CHST8: variants seen among roughly 807,000 people sequenced by gnomAD.
The protein encoded by CHST8 is carbohydrate sulfotransferase 8, also known as GALNAC-4-ST1.
Under a neutral mutation model 15.0 loss-of-function variants are expected in CHST8, and 10 were observed. That is an observed-to-expected ratio of 0.67 (90% CI 0.41 to 1.13). CHST8 has a LOEUF of 1.13. Ranked by LOEUF, CHST8 falls within the 50% of genes most tolerant of loss-of-function variation. The pLI is 0.00. For missense variants in CHST8, 634 were observed against 608.2 expected (o/e 1.04, Z -0.45); for synonymous variants, 259 against 256.6 (o/e 1.01, Z -0.09).
chr19:33,756,896 G>T (rs976875166), intron 3 of CHST8, among the ~76,000 whole-genome samples: 2 of 152,188 alleles, frequency 1.3e-5, no homozygotes, highest in Non-Finnish European at 2.9e-5. Flanking sequence ...GGCTGTACAG[G>T]TATGAGATGC....
chr19:33,718,489 C>T (rs1973708818), intron 3 of CHST8, among the ~76,000 whole-genome samples: 1 of 152,348 alleles, frequency 6.6e-6, no homozygotes, highest in Admixed American at 6.5e-5. Flanking sequence ...GTCTTCCCCG[C>T]ACTCCTCTGC....
intron 3 of CHST8, among the ~76,000 whole-genome samples, chr19:33,740,336 G>A (rs771963952): frequency 3.3e-5 from 5 of 152,196 alleles, no homozygotes; most frequent in Non-Finnish European, 5.9e-5. Flanking sequence ...GCAGAACCGT[G>A]TCATGGAAAC....
chr19:33,711,354 A>G (rs1973545431), intron 3 of CHST8, among the ~76,000 whole-genome samples: 1 of 152,204 alleles, frequency 6.6e-6, no homozygotes, highest in Non-Finnish European at 1.5e-5. Context: ...TGGAAGTGCA[A>G]CTGCTCTGTA....
intron 3 of CHST8, among the ~76,000 whole-genome samples, chr19:33,691,322 G>A (rs1419610589): frequency 6.6e-6 from 1 of 152,178 alleles, no homozygotes; most frequent in African/African-American, 2.4e-5. Context: ...AGGAGCACAC[G>A]TGGGTCTTCT....
intron 3 of CHST8, among the ~76,000 whole-genome samples, chr19:33,723,490 C>A (rs548468422): frequency 6.6e-6 from 1 of 152,326 alleles, no homozygotes; most frequent in Admixed American, 6.5e-5. Context: ...GGATTCCCAG[C>A]AGGCTGTCCT....
intron 3 of CHST8, among the ~76,000 whole-genome samples, chr19:33,763,205 C>T (rs1316547879): frequency 6.6e-6 from 1 of 152,190 alleles, no homozygotes; most frequent in Admixed American, 6.5e-5. Context: ...AACTACAACT[C>T]CACATGGACC....
In CHST8 at chr19:33,710,097, T is replaced by C. The variant is rs551371055; in HGVS notation, c.130+20706T>C. Among the ~76,000 whole-genome samples the C allele has an allele frequency of 3.9e-5, 6 of 152,374 alleles. No homozygotes were observed. The South Asian group carries it at 1.2e-3, about 32-fold the overall frequency. ...TTCTAGGGCTTTGTTCATGTCTTTCTAGGGCTTTGTTCATTTCATTCAAGT... is the reference window on the plus strand; with the variant it reads ...TTCTAGGGCTTTGTTCATGTCTTTCCAGGGCTTTGTTCATTTCATTCAAGT... On this transcript the variant is annotated intron_variant, in intron 3 of 4. Coordinates refer to ENST00000650847, the MANE Select transcript of CHST8 (RefSeq NM_001127895.2).
intron 3 of CHST8, among the ~76,000 whole-genome samples, chr19:33,726,683 C>CT (rs1206715563): frequency 6.6e-6 from 1 of 152,122 alleles, no homozygotes; most frequent in Non-Finnish European, 1.5e-5. Flanking sequence ...AATGTCCCAC[C>CT]TCTCGACAGC....
intron 3 of CHST8, among the ~76,000 whole-genome samples, chr19:33,732,580 A>C (rs2145327812): frequency 6.6e-6 from 1 of 152,130 alleles, no homozygotes; most frequent in Non-Finnish European, 1.5e-5. Context: ...ACTATACTTA[A>C]AATTGCATTT....
chr19:33,625,590 G>T (rs1006879536), intron 1 of CHST8, among the ~76,000 whole-genome samples: 16 of 152,126 alleles, frequency 1.1e-4, no homozygotes, highest in African/African-American at 3.4e-4. Flanking sequence ...GGCCAGGCAC[G>T]GTGGCTCACG....
intron 3 of CHST8, 83 bp from the exon 4 acceptor site, chr19:33,771,330 C>A: frequency 7.2e-7 from 1 of 1,389,046 alleles, no homozygotes; most frequent in Non-Finnish European, 1.0e-6. Context: ...CCTGGATGTC[C>A]ACAGCCAGCA....
chr19:33,746,721 G>A (rs1050796328), intron 3 of CHST8, among the ~76,000 whole-genome samples: 3 of 152,228 alleles, frequency 2.0e-5, no homozygotes, highest in African/African-American at 7.2e-5. Flanking sequence ...TTAGTGGGAG[G>A]TGAGTTCTGC....
At chr19:33,714,667 G>A (rs1158604158) in intron 3 of CHST8, among the ~76,000 whole-genome samples, 2 of 152,220 alleles carry the variant, frequency 1.3e-5, no homozygotes. Context: ...TGTCCTGGGA[G>A]GGACCCAGTG....
intron 3 of CHST8, among the ~76,000 whole-genome samples, chr19:33,711,158 C>T (rs1185225504): frequency 1.3e-5 from 2 of 152,142 alleles, no homozygotes; most frequent in Non-Finnish European, 2.9e-5. Context: ...CAGTGTGAGC[C>T]ACCATGCCTG....
At chr19:33,634,586 T>G (rs1257529637) in intron 1 of CHST8, among the ~76,000 whole-genome samples, 1 of 146,168 alleles carries the variant, frequency 6.8e-6, no homozygotes, top group Non-Finnish European at 1.5e-5. Flanking sequence ...GAGATGCAGG[T>G]GCTGAGCCCT....
intron 1 of CHST8, among the ~76,000 whole-genome samples, chr19:33,635,919 C>G (rs1369400371): frequency 6.6e-6 from 1 of 151,804 alleles, no homozygotes; most frequent in Non-Finnish European, 1.5e-5. Context: ...TAAAATAGGG[C>G]AAAAATGAAT....
At chr19:33,670,411 A>C in intron 2 of CHST8, among the ~76,000 whole-genome samples, 1 of 152,220 alleles carries the variant, frequency 6.6e-6, no homozygotes, top group East Asian at 1.9e-4. Flanking sequence ...GATCATTCTG[A>C]ATAGTGCTTG....
chr19:33,629,599 G>A (rs1972097777), intron 1 of CHST8, among the ~76,000 whole-genome samples: 1 of 152,216 alleles, frequency 6.6e-6, no homozygotes, highest in African/African-American at 2.4e-5. Context: ...AGGGAAGCAG[G>A]TCTGTGAGTC....
At chr19:33,760,247 G>A (rs1193176140) in intron 3 of CHST8, among the ~76,000 whole-genome samples, 9 of 17,506 alleles carry the variant, frequency 5.1e-4, no homozygotes, top group Non-Finnish European at 7.8e-4. Flanking sequence ...CTTTCTTGCC[G>A]GCCAGCCATC....
Sources: allele counts gnomAD v4.1 joint callset (sites outside exome capture counted in the v4.1 genomes callset), GRCh38; gene constraint gnomAD v4.1.1; transcripts MANE v1.5; gene names NCBI Gene and HGNC (gene_info 2026-07-23, HGNC 2026-07-21).